FHIT: variants seen among roughly 807,000 people sequenced by gnomAD.
The protein encoded by FHIT is bis(5'-adenosyl)-triphosphatase.
FHIT carries 19 observed loss-of-function variants against 17.9 expected under a neutral mutation model. The observed-to-expected ratio is 1.06, with a 90% CI of 0.74 to 1.56. The LOEUF (loss-of-function observed/expected upper bound fraction) is 1.56, where lower values mean the gene tolerates loss of function less well. FHIT is among the 40% of genes most tolerant of loss of function. The pLI, the probability that FHIT is intolerant of heterozygous loss-of-function variation, is 0.00. For missense variants in FHIT, 248 were observed against 189.2 expected (o/e 1.31, Z -1.82); for synonymous variants, 81 against 69.7 (o/e 1.16, Z -0.81).
At chr3:60,238,173 TCAGCAA>T (rs1704912229) in intron 5 of FHIT, among the ~76,000 whole-genome samples, 1 of 148,702 alleles carries the variant, frequency 6.7e-6, no homozygotes, top group Admixed American at 6.7e-5. Flanking sequence ...AATTTGTGTA[TCAGCAA>T]CAAATACAAA....
chr3:61,247,876 T>C (rs941830990), intron 1 of FHIT, among the ~76,000 whole-genome samples: 1 of 152,190 alleles, frequency 6.6e-6, no homozygotes, highest in South Asian at 2.1e-4. Flanking sequence ...CACTGTGAGG[T>C]AGAAATGCTT....
At chr3:60,649,213 C>T (rs1038567327) in intron 4 of FHIT, among the ~76,000 whole-genome samples, 4 of 152,106 alleles carry the variant, frequency 2.6e-5, no homozygotes, top group South Asian at 2.1e-4. Flanking sequence ...CTGGCTAACA[C>T]GGTGAAACCC....
At chr3:60,633,764 G>C (rs1233284147) in intron 4 of FHIT, among the ~76,000 whole-genome samples, 1 of 152,150 alleles carries the variant, frequency 6.6e-6, no homozygotes, top group Non-Finnish European at 1.5e-5. Context: ...TTGGGCAAGC[G>C]AGGAGAAAGC....
At chr3:60,771,805 C>T (rs1700051949) in intron 4 of FHIT, among the ~76,000 whole-genome samples, 2 of 152,158 alleles carry the variant, frequency 1.3e-5, no homozygotes, top group Admixed American at 6.5e-5. Flanking sequence ...TATCTTAATG[C>T]TAAGGATTTA....
At chr3:61,209,208 C>A (rs943221242) in intron 1 of FHIT, among the ~76,000 whole-genome samples, 2 of 152,202 alleles carry the variant, frequency 1.3e-5, no homozygotes, top group South Asian at 2.1e-4. Flanking sequence ...ATGGGCTTCC[C>A]TTTGTGGGTA....
chr3:60,836,515 G>A (rs1400805020), intron 3 of FHIT, among the ~76,000 whole-genome samples: 1 of 152,110 alleles, frequency 6.6e-6, no homozygotes, highest in Admixed American at 6.5e-5. Context: ...GTGTTTTTGA[G>A]GAAGTGGCCC....
At chr3:59,824,481 A>T (rs761765592) in intron 8 of FHIT, among the ~76,000 whole-genome samples, 1 of 152,254 alleles carries the variant, frequency 6.6e-6, no homozygotes, top group Non-Finnish European at 1.5e-5. Context: ...TGTTATAATA[A>T]TATTTTTGAG....
At chr3:60,393,029 G>A (rs972856802) in intron 5 of FHIT, among the ~76,000 whole-genome samples, 1 of 152,032 alleles carries the variant, frequency 6.6e-6, no homozygotes, top group Non-Finnish European at 1.5e-5. Context: ...CATTAAATGA[G>A]GACAATTTTG....
chr3:60,474,277 G>A lies in FHIT; in HGVS notation c.103+62583C>T, dbSNP rs550620039. Reference sequence around the variant, plus strand: ...CTTATTTTTTCATCCATGGGAAAAGGAACATGTGTTCATATTACATTAACT... The same window carrying A: ...CTTATTTTTTCATCCATGGGAAAAGAAACATGTGTTCATATTACATTAACT... On this transcript the variant is annotated intron_variant, in intron 5 of 9. Transcript: ENST00000492590. Among the ~76,000 whole-genome samples, 17 of 152,280 alleles carry A rather than the reference G, an allele frequency of 1.1e-4. No homozygotes were observed. The South Asian group carries it at 3.3e-3, about 30-fold the overall frequency.
chr3:60,126,919 G>A (rs76074841), intron 5 of FHIT, among the ~76,000 whole-genome samples: 4 of 152,108 alleles, frequency 2.6e-5, no homozygotes, highest in Non-Finnish European at 5.9e-5. Flanking sequence ...CTGCAGGGAG[G>A]TGCGCGCTTC....
intron 4 of FHIT, among the ~76,000 whole-genome samples, chr3:60,558,215 T>A (rs1040861569): frequency 6.6e-6 from 1 of 151,980 alleles, no homozygotes; most frequent in African/African-American, 2.4e-5. Context: ...CCTACCTTTG[T>A]TCTCTAACAG....
intron 4 of FHIT, among the ~76,000 whole-genome samples, chr3:60,645,997 C>A (rs1024095012): frequency 6.6e-6 from 1 of 152,194 alleles, no homozygotes; most frequent in Non-Finnish European, 1.5e-5. Context: ...CATGAAATTA[C>A]TCTCGAATAA....
chr3:61,108,128 A>C (rs1395587865), intron 2 of FHIT, among the ~76,000 whole-genome samples: 3 of 152,086 alleles, frequency 2.0e-5, no homozygotes, highest in African/African-American at 7.2e-5. Context: ...GATATTAAGC[A>C]TTTTTTTCAT....
intron 5 of FHIT, among the ~76,000 whole-genome samples, chr3:60,393,513 C>A (rs182815592): frequency 6.6e-6 from 1 of 151,298 alleles, no homozygotes; most frequent in Admixed American, 6.6e-5. Flanking sequence ...AAGTGAGGAC[C>A]AATTTTTTCT....
At chr3:61,123,672 C>G (rs533795240) in intron 2 of FHIT, among the ~76,000 whole-genome samples, 1 of 152,192 alleles carries the variant, frequency 6.6e-6, no homozygotes, top group African/African-American at 2.4e-5. Flanking sequence ...TTCTATCCCC[C>G]ACATTATGCT....
intron 4 of FHIT, among the ~76,000 whole-genome samples, chr3:60,673,866 G>T (rs1027570399): frequency 9.9e-5 from 15 of 151,922 alleles, no homozygotes; most frequent in Non-Finnish European, 4.4e-5. Context: ...TCAGTTGGCC[G>T]TCATACATCC....
intron 4 of FHIT, among the ~76,000 whole-genome samples, chr3:60,777,923 T>C (rs1692737110): frequency 6.6e-6 from 1 of 152,316 alleles, no homozygotes; most frequent in East Asian, 1.9e-4. Flanking sequence ...GTTTTAAACC[T>C]TGAACATTTA....
chr3:60,791,233 T>C (rs1700766889), intron 4 of FHIT, among the ~76,000 whole-genome samples: 1 of 151,880 alleles, frequency 6.6e-6, no homozygotes, highest in Non-Finnish European at 1.5e-5. Context: ...TTTCTCCACA[T>C]TGGAGCCCAG....
At chr3:61,107,343 T>C (rs2036020952) in intron 2 of FHIT, among the ~76,000 whole-genome samples, 7 of 152,232 alleles carry the variant, frequency 4.6e-5, no homozygotes, top group East Asian at 1.9e-4. Context: ...CCAGGGTGTA[T>C]GTATATCACA....
Sources: gnomAD v4.1 joint callset for allele counts (sites outside exome capture counted in the v4.1 genomes callset) on GRCh38, gnomAD v4.1.1 for gene constraint, MANE v1.5 for transcripts, NCBI Gene and HGNC (gene_info 2026-07-23, HGNC 2026-07-21) for gene names.